The following NINL variants were observed in gnomAD, a reference collection of about 807,000 sequenced individuals.
NINL encodes the protein ninein-like protein.
Under a neutral mutation model 160.3 loss-of-function variants are expected in NINL, and 153 were observed. The observed-to-expected ratio is 0.95, with a 90% CI of 0.84 to 1.09. NINL has a LOEUF of 1.09. Ranked by LOEUF, NINL falls within the 50% of genes least tolerant of loss-of-function variation. The pLI is 0.00. For missense variants in NINL, 1,829 were observed against 1,764.0 expected, an observed-to-expected ratio of 1.04 and a Z score of -0.66; for synonymous variants, 800 against 734.8, an observed-to-expected ratio of 1.09 and a Z score of -1.43.
At chr20:25,477,796 G>A (rs1381371493) in intron 16 of NINL, among the ~76,000 whole-genome samples, 1 of 152,190 alleles carries the variant, frequency 6.6e-6, no homozygotes, top group Non-Finnish European at 1.5e-5. Flanking sequence ...TGAGAGGAGA[G>A]GGGCTGCTTG....
At chr20:25,456,933 AAAAT>A (rs1279881463) in intron 22 of NINL, among the ~76,000 whole-genome samples, 3 of 152,218 alleles carry the variant, frequency 2.0e-5, no homozygotes, top group South Asian at 2.1e-4. Context: ...CTCTATCTCA[AAAAT>A]AAATAAATAC....
rs2063255448 is a variant in NINL, at chr20:25,476,688, T to C, written c.2603A>G (p.Glu868Gly). ...LAWLAPGDGRESEEAAGAGPR... is the reference protein window; with the variant it reads ...LAWLAPGDGRGSEEAAGAGPR... ...CCCGGCTCCTGCCGCCTCCTCAGAC[T>C]CTCTGCCATCACCTGGGGCCAGCCA... Residue 868 changes from glutamate to glycine, a missense_variant, in exon 17 of 24, where the codon GAG (glutamate) becomes GGG (glycine). By Grantham distance (98) the Glu-to-Gly change is moderately conservative. Coordinates refer to ENST00000278886, the MANE Select transcript of NINL (RefSeq NM_025176.6). 1 of 1,593,912 alleles carries C rather than the reference T, an allele frequency of 6.3e-7. No individual in the cohort carries two copies. Among genetic ancestry groups the C allele is most frequent in the African/African-American group, 1.3e-5 (1 of 74,668 alleles).
At chr20:25,459,850 G>A (rs954559249) in intron 21 of NINL, among the ~76,000 whole-genome samples, 5 of 152,142 alleles carry the variant, frequency 3.3e-5, no homozygotes, top group African/African-American at 1.2e-4. Flanking sequence ...AACGCGAGAC[G>A]GGCCACATCT....
At chr20:25,539,635 A>G (rs1195293944) in intron 1 of NINL, among the ~76,000 whole-genome samples, 2 of 152,144 alleles carry the variant, frequency 1.3e-5, no homozygotes, top group Non-Finnish European at 2.9e-5. Context: ...CTATTTCCAG[A>G]GGCGCCTAGC....
intron 2 of NINL, among the ~76,000 whole-genome samples, chr20:25,525,607 C>T (rs1267387296): frequency 6.6e-6 from 1 of 152,018 alleles, no homozygotes; most frequent in African/African-American, 2.4e-5. Flanking sequence ...TGAGCTGAGA[C>T]GGCTCCACTA....
At chr20:25,547,807 C>A (rs765252714) in intron 1 of NINL, among the ~76,000 whole-genome samples, 2 of 152,188 alleles carry the variant, frequency 1.3e-5, no homozygotes, top group Non-Finnish European at 2.9e-5. Context: ...AGCAGACTGG[C>A]ACTCTGTTGA....
At position 25,539,761 on chromosome 20, in the gene NINL, G is replaced by C. The variant is rs190663782; in HGVS notation, c.-11-13163C>G. 7.9e-5 allele frequency among the ~76,000 whole-genome samples: 12 copies of C among 152,276 alleles called. No homozygotes were observed. In the East Asian group the frequency reaches 2.3e-3, roughly 29 times the overall value. ...CCAGGGAGCCCACAGCGTGTGAGCC[G>C]CCCACCCAAAGCCCTCTGTTTAGAC... On this transcript the variant is annotated intron_variant, in intron 1 of 23. Coordinates refer to ENST00000278886, the MANE Select transcript of NINL (RefSeq NM_025176.6).
intron 5 of NINL, among the ~76,000 whole-genome samples, chr20:25,506,903 T>C (rs1323998015): frequency 6.6e-6 from 1 of 152,202 alleles, no homozygotes. Context: ...AAAAAATATA[T>C]ATATTCTTAC....
intron 5 of NINL, among the ~76,000 whole-genome samples, chr20:25,506,034 C>A (rs1253719698): frequency 2.6e-5 from 4 of 152,170 alleles, no homozygotes; most frequent in Non-Finnish European, 4.4e-5. Flanking sequence ...GAGACCAAGG[C>A]GGGTAGATCA....
chr20:25,584,842 C>A (rs1376525501), intron 1 of NINL, among the ~76,000 whole-genome samples: 2 of 152,246 alleles, frequency 1.3e-5, no homozygotes, highest in East Asian at 3.9e-4. Flanking sequence ...GAGACTCCCA[C>A]ATGGTGTGTG....
chr20:25,556,159 G>A (rs902078726), intron 1 of NINL, among the ~76,000 whole-genome samples: 7 of 152,144 alleles, frequency 4.6e-5, no homozygotes, highest in African/African-American at 1.7e-4. Context: ...GCAGATGCTT[G>A]TAGTTCCAGA....
At chr20:25,468,953 G>A (rs1402850059) in intron 18 of NINL, among the ~76,000 whole-genome samples, 2 of 145,698 alleles carry the variant, frequency 1.4e-5, no homozygotes, top group Admixed American at 6.7e-5. Context: ...ACTCTCACTG[G>A]TGGGTGCCCC....
Position 25,476,635 on chromosome 20 carries a change from CTG to C in NINL, c.2654_2655del (p.Thr885ArgfsTer88). 4 of 1,592,266 alleles carry C rather than the reference CTG, an allele frequency of 2.5e-6. No individual in the cohort carries two copies. Among genetic ancestry groups the C allele is most frequent in the Non-Finnish European group, 3.4e-6 (4 of 1,175,884 alleles). On this transcript the variant is annotated frameshift_variant, in exon 17 of 24. Coordinates refer to ENST00000278886, the MANE Select transcript of NINL (RefSeq NM_025176.6). LOFTEE classifies it high-confidence loss of function. Reference protein sequence around the residue: ...AGPRRRQAQDTEATQSPAPAP... With the variant: ...AGPRRRQAQDXEATQSPAPAP... ...GCGGGGGCCGGGCTCTGCGTAGCTT[CTG>C]TGTCCTGGGCTTGCCTGCGGCGAGG...
chr20:25,485,304 T>A (rs2063485132), intron 13 of NINL, among the ~76,000 whole-genome samples: 2 of 152,194 alleles, frequency 1.3e-5, no homozygotes, highest in South Asian at 4.1e-4. Context: ...ATAAAAGCCC[T>A]CGCTTGTGGC....
intron 1 of NINL, among the ~76,000 whole-genome samples, chr20:25,582,761 C>T (rs913089139): frequency 6.6e-6 from 1 of 152,110 alleles, no homozygotes; most frequent in Non-Finnish European, 1.5e-5. Flanking sequence ...CATAAAACTG[C>T]TAGGCTGCTG....
At position 25,504,012 on chromosome 20, in the gene NINL, G is replaced by A. The variant is rs146594321; in HGVS notation, c.801C>T (p.Pro267=). ...EFQLGLFSHE[P]ALLLESSTRV... is the part of the protein sequence containing the mutation. ...GAGTGGAAGACTCTAGAAGTAGCGC[G>A]GGCTCATGACTGAAGAGGCCAAGCT... The change falls in exon 7 of 24, where the codon CCC becomes CCT. Residue 267 remains proline (P), a synonymous_variant. Transcript: ENST00000278886. The A allele has an allele frequency of 3.1e-5, 50 of 1,613,732 alleles. No individual in the cohort carries two copies. The Admixed American group carries it at 3.5e-4, about 11-fold the overall frequency.
chr20:25,461,651 C>T lies in NINL; in HGVS notation c.3583-16G>A, dbSNP rs1208489028. 1 of 1,509,718 alleles carries T rather than the reference C, an allele frequency of 6.6e-7. No individual in the cohort carries two copies. The highest frequency in any genetic ancestry group is 1.1e-5 in the South Asian group (1 of 88,420). 93.5% of individuals were successfully genotyped at this position (1,509,718 alleles called of 1,614,324 possible). On this transcript the variant is annotated splice_polypyrimidine_tract_variant and intron_variant, in intron 20 of 23. Coordinates refer to ENST00000278886, the MANE Select transcript of NINL (RefSeq NM_025176.6). The stretch of plus-strand genomic sequence containing the variant: ...TTTGGTCACTCTGTTTTTAAAAAAT[C>T]AATTGCACAAGTCAAGAAGTATCTG...
rs888249727 is a variant in NINL at position 25,552,684 on chromosome 20, C to A, written c.-11-26086G>T. ...ACTCAGTCAGGTCTAGACACACCCC[C>A]CTGCAAGGCTGAGAGGTCCTGGAAA... On this transcript the variant is annotated intron_variant, in intron 1 of 23. Coordinates refer to ENST00000278886, the MANE Select transcript of NINL (RefSeq NM_025176.6). Among the ~76,000 whole-genome samples the A allele has an allele frequency of 2.6e-5, 4 of 152,310 alleles. No homozygotes were observed. The South Asian group carries it at 6.2e-4, about 24-fold the overall frequency.
At chr20:25,549,263 C>T (rs895274702) in intron 1 of NINL, among the ~76,000 whole-genome samples, 1 of 150,912 alleles carries the variant, frequency 6.6e-6, no homozygotes, top group Admixed American at 6.6e-5. Flanking sequence ...GGGCTGACCC[C>T]GGGACCCACA....
Sources: gnomAD v4.1 joint callset for allele counts (sites outside exome capture counted in the v4.1 genomes callset) on GRCh38, gnomAD v4.1.1 for gene constraint, MANE v1.5 for transcripts, NCBI Gene and HGNC (gene_info 2026-07-23, HGNC 2026-07-21) for gene names.